Variants in ATP11B observed in about 807,000 individuals in gnomAD.
The protein encoded by ATP11B is ATPase phospholipid transporting 11B (putative), also known as phospholipid-transporting ATPase IF.
Under a neutral mutation model 157.8 loss-of-function variants are expected in ATP11B, and 81 were observed. The observed-to-expected ratio is 0.51, with a 90% CI of 0.43 to 0.62. ATP11B has a LOEUF of 0.62. Among genes scored for constraint, ATP11B ranks in the 20% least tolerant of loss-of-function variants. The pLI, the probability that ATP11B is intolerant of heterozygous loss-of-function variation, is 0.00. For missense variants in ATP11B, 1,165 were observed against 1,402.2 expected, an observed-to-expected ratio of 0.83 and a Z score of 2.70; for synonymous variants, 451 against 469.4, an observed-to-expected ratio of 0.96 and a Z score of 0.51.
rs537142319 is a variant in ATP11B, at chr3:182,824,693, G to A, written c.145-3427G>A. Among the ~76,000 whole-genome samples, 29 of 152,258 alleles carry A rather than the reference G, an allele frequency of 1.9e-4. No individual in the cohort carries two copies. In the South Asian group the frequency reaches 2.1e-3, roughly 11 times the overall value. ...TGTTTTTGACCATATTTTTTAAAATGTGGATGTTTAAAGAAGTATTGCCTT... is the reference window on the plus strand; with the variant it reads ...TGTTTTTGACCATATTTTTTAAAATATGGATGTTTAAAGAAGTATTGCCTT... On this transcript the variant is annotated intron_variant, in intron 2 of 29. Transcript: ENST00000323116.
chr3:182,846,007 C>T (rs1341177327), intron 9 of ATP11B, among the ~76,000 whole-genome samples: 1 of 152,084 alleles, frequency 6.6e-6, no homozygotes, highest in Non-Finnish European at 1.5e-5. Flanking sequence ...ACTGCTCTTG[C>T]CTTGGAGATG....
Position 182,896,776 on chromosome 3 carries a change from G to A in ATP11B, c.3048+11G>A. The A allele has an allele frequency of 6.2e-7, 1 of 1,606,084 alleles. No individual in the cohort carries two copies. Among genetic ancestry groups the A allele is most frequent in the South Asian group, 1.1e-5 (1 of 90,466 alleles). On this transcript the variant is annotated intron_variant, in intron 26 of 29. Coordinates refer to ENST00000323116, the MANE Select transcript of ATP11B (RefSeq NM_014616.3). ...ACAGTCACAGTAAAGGTATGGTACTGAAATTAGAAATGTGGACACATTTTG... is the reference window on the plus strand; with the variant it reads ...ACAGTCACAGTAAAGGTATGGTACTAAAATTAGAAATGTGGACACATTTTG...
chr3:182,824,889 T>C (rs929161746), intron 2 of ATP11B, among the ~76,000 whole-genome samples: 3 of 152,242 alleles, frequency 2.0e-5, no homozygotes, highest in Non-Finnish European at 4.4e-5. Context: ...ATTTTTAAAA[T>C]GTAAATTTTA....
intron 11 of ATP11B, among the ~76,000 whole-genome samples, chr3:182,858,939 A>T (rs938020080): frequency 6.6e-6 from 1 of 152,118 alleles, no homozygotes; most frequent in Non-Finnish European, 1.5e-5. Flanking sequence ...TAACCTTTTC[A>T]TCATTTACTT....
chr3:182,864,925 G>C (rs1010568982), intron 12 of ATP11B, among the ~76,000 whole-genome samples: 1 of 151,754 alleles, frequency 6.6e-6, no homozygotes. Context: ...TTTAAACATC[G>C]ATTTTTTTCA....
chr3:182,848,453 G>A, intron 9 of ATP11B, 23 bp from the exon 10 acceptor site: 1 of 1,361,352 alleles, frequency 7.3e-7, no homozygotes, highest in Non-Finnish European at 9.9e-7. Context: ...TATTTTAAGA[G>A]ACAATTTTGT....
At chr3:182,801,662 T>G (rs1165683368) in intron 1 of ATP11B, among the ~76,000 whole-genome samples, 1 of 152,160 alleles carries the variant, frequency 6.6e-6, no homozygotes, top group Admixed American at 6.5e-5. Flanking sequence ...ATCCCAGACA[T>G]TATATAATTT....
rs1715381513 is a variant in ATP11B, at chr3:182,793,597, G to T, written c.-163G>T. The T allele has an allele frequency of 7.6e-6, 3 of 393,518 alleles. No homozygotes were observed. The highest frequency in any genetic ancestry group is 6.3e-5 in the African/African-American group (3 of 47,418). 24.4% of individuals were successfully genotyped at this position (393,518 alleles called of 1,614,324 possible). Reference sequence around the variant, plus strand: ...GCCTGTAGGACTCGGGGCCGACGCCGCGGGATGGGGACGCGGCGCGGGGAG... The same window carrying T: ...GCCTGTAGGACTCGGGGCCGACGCCTCGGGATGGGGACGCGGCGCGGGGAG... On this transcript the variant is annotated 5_prime_UTR_variant, in exon 1 of 30. Coordinates refer to ENST00000323116, the MANE Select transcript of ATP11B (RefSeq NM_014616.3).
At position 182,793,696 on chromosome 3, in the gene ATP11B, C is replaced by A; in HGVS notation, c.-64C>A. ...TCGCCCGCTCCCGCCTCTGTCTTGT[C>A]GGCCTCCACCTGCAGCCCCGCGGCC... is the stretch of plus-strand genomic sequence containing the variant. On this transcript the variant is annotated 5_prime_UTR_variant, in exon 1 of 30. Coordinates refer to ENST00000323116, the MANE Select transcript of ATP11B (RefSeq NM_014616.3). 8.3e-7 allele frequency: 1 copy of A among 1,207,184 alleles called. No individual in the cohort carries two copies. The highest frequency in any genetic ancestry group is 1.1e-6 in the Non-Finnish European group (1 of 896,506). 74.8% of individuals were successfully genotyped at this position (1,207,184 alleles called of 1,614,324 possible). A position where few individuals can be genotyped will look rare whatever the true frequency, so the allele number is the denominator to read the frequency against.
chr3:182,912,740 C>T (rs1235645540), intron 28 of ATP11B, among the ~76,000 whole-genome samples: 2 of 152,186 alleles, frequency 1.3e-5, no homozygotes, highest in Admixed American at 6.5e-5. Context: ...CTCTTCTGTT[C>T]ATTGTGAGCA....
At chr3:182,825,357 A>C (rs1206678539) in intron 2 of ATP11B, among the ~76,000 whole-genome samples, 1 of 152,126 alleles carries the variant, frequency 6.6e-6, no homozygotes, top group Non-Finnish European at 1.5e-5. Context: ...TTATTGTGGA[A>C]GTGTCTTGCA....
Position 182,898,677 on chromosome 3 carries a change from G to T in ATP11B, c.3223G>T (p.Ala1075Ser). ...CCTGTCAAGTGGTTCTGCTTGGTTT[G>T]CCATAATCCTCATGGTTGTTACATG... ...QLLSSGSAWF[A>S]IILMVVTCLF... Residue 1075 changes from alanine (A) to serine (S), a missense_variant, in exon 28 of 30, where the codon GCC becomes TCC. This residue lies in a region of ATP11B where 303 missense variants were observed against 296.3 expected (regional missense o/e 1.02). Transcript: ENST00000323116. 6.2e-7 allele frequency: 1 copy of T among 1,608,786 alleles called. No homozygotes were observed. The highest frequency in any genetic ancestry group is 8.5e-7 in the Non-Finnish European group (1 of 1,177,516).
intron 23 of ATP11B, among the ~76,000 whole-genome samples, chr3:182,887,357 C>T (rs930845116): frequency 3.9e-5 from 6 of 152,080 alleles, no homozygotes; most frequent in African/African-American, 1.4e-4. Context: ...TCCAGAAGCA[C>T]CTGATATAGC....
chr3:182,812,529 C>A (rs552010917), intron 1 of ATP11B, among the ~76,000 whole-genome samples: 2 of 152,236 alleles, frequency 1.3e-5, no homozygotes, highest in Admixed American at 1.3e-4. Context: ...TAAATTTGAT[C>A]TAAACTAAAC....
intron 10 of ATP11B, among the ~76,000 whole-genome samples, chr3:182,852,355 A>G (rs1241404428): frequency 6.6e-6 from 1 of 152,182 alleles, no homozygotes; most frequent in Non-Finnish European, 1.5e-5. Context: ...GGTATAAGAG[A>G]AAAAAACTAA....
At chr3:182,878,418 C>G (rs779790137) in intron 19 of ATP11B, among the ~76,000 whole-genome samples, 1 of 152,214 alleles carries the variant, frequency 6.6e-6, no homozygotes, top group Non-Finnish European at 1.5e-5. Context: ...ACACTGAGTA[C>G]TGGCTTTCAG....
intron 28 of ATP11B, among the ~76,000 whole-genome samples, chr3:182,901,235 C>T (rs776608842): frequency 1.3e-4 from 19 of 151,224 alleles, no homozygotes; most frequent in Non-Finnish European, 2.5e-4. Flanking sequence ...TGGTGGCACA[C>T]TCCTGTAGTC....
intron 13 of ATP11B, 132 bp from the exon 14 acceptor site, chr3:182,866,136 A>G: frequency 1.5e-6 from 1 of 657,902 alleles, no homozygotes; most frequent in East Asian, 3.2e-5. Context: ...TTGAAGGCAG[A>G]AACAACCAAC....
At chr3:182,887,542 G>A (rs1216077861) in intron 23 of ATP11B, 44 bp from the exon 24 acceptor site, 1 of 1,569,332 alleles carries the variant, frequency 6.4e-7, no homozygotes, top group Admixed American at 1.9e-5. Context: ...TAATAGTAAT[G>A]CATAATTCAG....
Sources: allele counts gnomAD v4.1 joint callset (sites outside exome capture counted in the v4.1 genomes callset), GRCh38; gene constraint gnomAD v4.1.1; regional missense constraint gnomAD v4.1.1; transcripts MANE v1.5; gene names NCBI Gene and HGNC (gene_info 2026-07-23, HGNC 2026-07-21).